Variants in UBE2J2 observed in about 807,000 individuals in gnomAD.
UBE2J2 encodes the protein ubiquitin-conjugating enzyme E2 J2.
UBE2J2 carries 5 observed loss-of-function variants against 28.6 expected under a neutral mutation model. The observed-to-expected ratio is 0.17, with a 90% CI of 0.09 to 0.37. UBE2J2 has a LOEUF of 0.37. Ranked by LOEUF, UBE2J2 falls within the 10% of genes least tolerant of loss-of-function variation. The pLI is 1.00. For synonymous variants in UBE2J2, 138 were observed against 139.7 expected, an observed-to-expected ratio of 0.99 and a Z score of 0.09; for missense variants, 226 against 338.9, an observed-to-expected ratio of 0.67 and a Z score of 2.62.
At chr1:1,259,097 TGCATGTGTGTGCATGCCATCAGGAC>T (rs1389028903) in intron 3 of UBE2J2, among the ~76,000 whole-genome samples, 12 of 135,226 alleles carry the variant, frequency 8.9e-5, no homozygotes, top group Non-Finnish European at 3.0e-5. Flanking sequence ...CGCACGTGTG[TGCATGTGTGTGCATGCCATCAGGAC>T]GCACGTGTGT....
chr1:1,264,789 T>C lies in UBE2J2; in HGVS notation c.132-1403A>G, dbSNP rs577384914. ...CAGCCATGGTGGCACACACCTGTAA[T>C]CCCAGCTACTCAGGAGGCTGAGCCA... On this transcript the variant is annotated intron_variant, in intron 2 of 6. Coordinates refer to ENST00000349431, the MANE Select transcript of UBE2J2 (RefSeq NM_058167.3). The C allele has an allele frequency of 1.6e-4, 24 of 152,956 alleles. No homozygotes were observed. The South Asian group carries it at 4.5e-3, about 29-fold the overall frequency. The allele number at this position is 152,956 out of a possible 1,614,324, so 9.5% of individuals were successfully genotyped here. A position where few individuals can be genotyped will look rare whatever the true frequency, so the allele number is the denominator to read the frequency against.
chr1:1,265,668 G>A (rs11800641), intron 2 of UBE2J2, among the ~76,000 whole-genome samples: 5 of 135,854 alleles, frequency 3.7e-5, no homozygotes, highest in African/African-American at 5.5e-5. Flanking sequence ...TCACTCTGTC[G>A]CCAGGCTGGA....
intron 5 of UBE2J2, 77 bp downstream of exon 5, chr1:1,256,915 A>C: frequency 4.3e-5 from 37 of 869,704 alleles, no homozygotes; most frequent in Non-Finnish European, 5.6e-5. Context: ...AAAAAAAGGC[A>C]GCTGCAACTC....
At chr1:1,264,143 A>AC (rs1191912274) in intron 2 of UBE2J2, among the ~76,000 whole-genome samples, 1 of 152,072 alleles carries the variant, frequency 6.6e-6, no homozygotes, top group African/African-American at 2.4e-5. Flanking sequence ...TCCTGGAAAA[A>AC]CCATAAGTGA....
Position 1,255,062 on chromosome 1 carries a change from T to C in UBE2J2, c.*141A>G. On this transcript the variant is annotated 3_prime_UTR_variant, in exon 7 of 7. Transcript: ENST00000349431. Reference sequence around the variant, plus strand: ...AAAGCCCAGTCACACATTTTGGTTTTTGCTTCCCCTTTCAGGTTTTTAAAA... The same window carrying C: ...AAAGCCCAGTCACACATTTTGGTTTCTGCTTCCCCTTTCAGGTTTTTAAAA... The C allele has an allele frequency of 9.8e-7, 1 of 1,015,250 alleles. No homozygotes were observed. Among genetic ancestry groups the C allele is most frequent in the Non-Finnish European group, 1.4e-6 (1 of 716,756 alleles). The allele number at this position is 1,015,250 out of a possible 1,614,324, so 62.9% of individuals were successfully genotyped here.
chr1:1,270,862 C>T (rs568078578), intron 1 of UBE2J2, among the ~76,000 whole-genome samples: 4 of 152,212 alleles, frequency 2.6e-5, no homozygotes, highest in Admixed American at 2.0e-4. Flanking sequence ...GCAGCCCCAG[C>T]CAGCCCTCCT....
At chr1:1,269,252 G>C (rs1208528404) in intron 1 of UBE2J2, among the ~76,000 whole-genome samples, 1 of 142,938 alleles carries the variant, frequency 7.0e-6, no homozygotes, top group East Asian at 2.1e-4. Context: ...GAGGGGTGGT[G>C]ATCATCATGC....
At chr1:1,258,731 C>T (rs1639355762) in intron 3 of UBE2J2, among the ~76,000 whole-genome samples, 2 of 152,252 alleles carry the variant, frequency 1.3e-5, no homozygotes, top group Admixed American at 6.5e-5. Context: ...TGGTATCACA[C>T]CCACTCCATG....
At chr1:1,265,513 CAG>C (rs1303656496) in intron 2 of UBE2J2, among the ~76,000 whole-genome samples, 6 of 151,996 alleles carry the variant, frequency 3.9e-5, no homozygotes, top group Non-Finnish European at 2.9e-5. Flanking sequence ...GAATGGAGCA[CAG>C]AGACTTTGCC....
At chr1:1,261,986 T>C (rs565953640) in intron 3 of UBE2J2, among the ~76,000 whole-genome samples, 1 of 152,178 alleles carries the variant, frequency 6.6e-6, no homozygotes, top group East Asian at 1.9e-4. Context: ...GCCTCCCGAG[T>C]AGCTGGGATT....
intron 2 of UBE2J2, among the ~76,000 whole-genome samples, chr1:1,265,277 A>G (rs983077892): frequency 1.3e-5 from 2 of 152,178 alleles, no homozygotes; most frequent in Non-Finnish European, 2.9e-5. Flanking sequence ...GGGCTCTCGC[A>G]CTGACGCTGC....
rs977292581 is a variant in UBE2J2 at position 1,257,388 on chromosome 1, ACGCCACCCCCCCCCCCCC to A, written c.173-96_173-79del. ...CTGGAGACCTCGTCCCCATCCCCCC[ACGCCACCCCCCCCCCCCC>A]CCTCAGCTCGGCTCCCGAGTCCTCA... On this transcript the variant is annotated intron_variant, in intron 3 of 6. Coordinates refer to ENST00000349431, the MANE Select transcript of UBE2J2 (RefSeq NM_058167.3). The A allele has an allele frequency of 3.0e-5, 4 of 135,330 alleles. No individual in the cohort carries two copies. In the Admixed American group the frequency reaches 6.0e-4, roughly 20 times the overall value. The allele number at this position is 135,330 out of a possible 1,614,324, so 8.4% of individuals were successfully genotyped here. A position where few individuals can be genotyped will look rare whatever the true frequency, so the allele number is the denominator to read the frequency against.
chr1:1,262,630 C>T (rs1041077040), intron 3 of UBE2J2, among the ~76,000 whole-genome samples: 1 of 152,236 alleles, frequency 6.6e-6, no homozygotes, highest in African/African-American at 2.4e-5. Flanking sequence ...TGGACAGCAA[C>T]TGCTGACCTG....
chr1:1,266,637 C>A (rs187284152), intron 2 of UBE2J2, among the ~76,000 whole-genome samples: 2 of 151,654 alleles, frequency 1.3e-5, no homozygotes, highest in African/African-American at 2.4e-5. Context: ...CTGGCTAACA[C>A]GGTGAAACCC....
At chr1:1,271,974 CAAAAAAAAAAAAAAAAAA>C (rs60924258) in intron 1 of UBE2J2, among the ~76,000 whole-genome samples, 1 of 27,612 alleles carries the variant, frequency 3.6e-5, no homozygotes, top group African/African-American at 7.5e-5. Context: ...AACTCCGTCT[CAAAAAAAAAAAAAAAAAA>C]AAAAAAAAAA....
At chr1:1,264,974 G>A (rs1051751883) in intron 2 of UBE2J2, 1 of 152,582 alleles carries the variant, frequency 6.6e-6, no homozygotes, top group Admixed American at 6.5e-5. Context: ...GAGCCAGCTG[G>A]TATGTTTTAC....
At chr1:1,263,575 T>C in intron 2 of UBE2J2, 189 bp from the exon 3 acceptor site, 1 of 585,218 alleles carries the variant, frequency 1.7e-6, no homozygotes, top group Admixed American at 2.9e-5. Flanking sequence ...GTGGGTGCTT[T>C]TAGTCTCTTG....
At position 1,255,334 on chromosome 1, in the gene UBE2J2, CGAGGTT is replaced by C. The variant is rs764590435; in HGVS notation, c.643_648del (p.Asn215_Leu216del). The C allele has an allele frequency of 2.0e-5, 33 of 1,613,634 alleles. No individual in the cohort carries two copies. Among genetic ancestry groups the C allele is most frequent in the Non-Finnish European group, 2.5e-5 (30 of 1,180,032 alleles). On this transcript the variant is annotated inframe_deletion, in exon 7 of 7. Coordinates refer to ENST00000349431, the MANE Select transcript of UBE2J2 (RefSeq NM_058167.3). ...TGCCGGTTGGCCTGCTGGAGCCCTG[CGAGGTT>C]TGGGACGGCCCCCGGCGCATGCCCG...
intron 2 of UBE2J2, chr1:1,263,661 G>A (rs1319593233): frequency 3.0e-6 from 1 of 331,032 alleles, no homozygotes. Flanking sequence ...CATGCACGAA[G>A]CTCATCTTAA....
Sources: gnomAD v4.1 joint callset for allele counts (sites outside exome capture counted in the v4.1 genomes callset) on GRCh38, gnomAD v4.1.1 for gene constraint, MANE v1.5 for transcripts, NCBI Gene and HGNC (gene_info 2026-07-23, HGNC 2026-07-21) for gene names.